CFAP53: variants seen among roughly 807,000 people sequenced by gnomAD.
The protein encoded by CFAP53 is cilia- and flagella-associated protein 53.
A neutral mutation model predicts 59.7 loss-of-function variants in CFAP53; 62 were observed. The observed-to-expected ratio is 1.04, with a 90% confidence interval of 0.85 to 1.28. The LOEUF (loss-of-function observed/expected upper bound fraction) is 1.28, where lower values mean the gene tolerates loss of function less well. Ranked by LOEUF, CFAP53 falls within the 50% of genes most tolerant of loss-of-function variation. The pLI is 0.00. For synonymous variants in CFAP53, 218 were observed against 205.7 expected, an observed-to-expected ratio of 1.06 and a Z score of -0.51; for missense variants, 629 against 615.6, an observed-to-expected ratio of 1.02 and a Z score of -0.23.
At chr18:50,247,127 T>A (rs1216126864) in intron 5 of CFAP53, among the ~76,000 whole-genome samples, 10 of 152,038 alleles carry the variant, frequency 6.6e-5, no homozygotes, top group Admixed American at 3.3e-4. Flanking sequence ...TTGAATAGAC[T>A]TCTCTAAGAA....
rs146269087 is a variant in CFAP53 at position 50,265,784 on chromosome 18, C to T, written c.69+552G>A. Reference sequence around the variant, plus strand: ...CCACTCCAGCCTTAGAGGCAGGCACCTGAGTTTTTCCCAGGTCTGAAGGGA... The same window carrying T: ...CCACTCCAGCCTTAGAGGCAGGCACTTGAGTTTTTCCCAGGTCTGAAGGGA... On this transcript the variant is annotated intron_variant, in intron 1 of 7. Coordinates refer to ENST00000398545, the MANE Select transcript of CFAP53 (RefSeq NM_145020.5). Among the ~76,000 whole-genome samples, 20 of 152,340 alleles carry T rather than the reference C, an allele frequency of 1.3e-4. No homozygotes were observed. In the East Asian group the frequency reaches 3.7e-3, roughly 28 times the overall value.
At chr18:50,239,689 A>G (rs1056213160) in intron 6 of CFAP53, among the ~76,000 whole-genome samples, 1 of 152,220 alleles carries the variant, frequency 6.6e-6, no homozygotes, top group African/African-American at 2.4e-5. Context: ...AGTCATTACA[A>G]ATCTTATAAT....
rs535788862 is a variant in CFAP53, at chr18:50,242,937, C to T, written c.1176G>A (p.Glu392=). 3.1e-6 allele frequency: 5 copies of T among 1,613,810 alleles called. No homozygotes were observed. Among genetic ancestry groups the T allele is most frequent in the Admixed American group, 1.7e-5 (1 of 60,006 alleles). Residue 392 remains glutamate, a synonymous_variant, in exon 6 of 8, where the codon GAG becomes GAA. Transcript: ENST00000398545. ...EKEARRQLVD[E]VMCTRKLQVQ... ...CTTGAAGTTTTCTTGTACACATGAC[C>T]TCATCCACAAGCTGTCTCCTTGCCT... is the stretch of plus-strand genomic sequence containing the variant.
intron 1 of CFAP53, among the ~76,000 whole-genome samples, chr18:50,264,862 T>G (rs1692423639): frequency 6.6e-6 from 1 of 152,196 alleles, no homozygotes; most frequent in Non-Finnish European, 1.5e-5. Flanking sequence ...GAACCCAAAG[T>G]AGATCTTCTG....
Position 50,238,665 on chromosome 18 carries a change from T to C in CFAP53, c.1254A>G (p.Glu418=), listed in dbSNP as rs754147424. The change falls in exon 7 of 8, where the codon GAA becomes GAG. Residue 418 remains glutamate, a synonymous_variant. Transcript: ENST00000398545. ...TAAGACTTTCATTTATGTGTTTCTG[T>C]TCCATAGCACGTTCTTCCTGTTCTT... The part of the protein sequence containing the change: ...EAKEQEERAM[E]QKHINESLKE... The C allele has an allele frequency of 6.2e-7, 1 of 1,612,318 alleles. No homozygotes were observed.
chr18:50,256,120 T>C (rs569004022), intron 3 of CFAP53: 1 of 152,348 alleles, frequency 6.6e-6, no homozygotes, highest in African/African-American at 2.4e-5. Context: ...AACTCAGTCA[T>C]ACAAGTGAAA....
chr18:50,253,560 G>T (rs1291418580), intron 3 of CFAP53, among the ~76,000 whole-genome samples: 1 of 152,176 alleles, frequency 6.6e-6, no homozygotes, highest in Admixed American at 6.5e-5. Context: ...CTTATTATCT[G>T]CCAGACACTA....
chr18:50,251,961 G>T (rs1333575105), intron 3 of CFAP53, among the ~76,000 whole-genome samples, 177 bp from the exon 4 acceptor site: 6 of 152,166 alleles, frequency 3.9e-5, no homozygotes, highest in African/African-American at 7.2e-5. Flanking sequence ...GGATGGCACA[G>T]CCTGACTATG....
At chr18:50,258,190 C>T (rs1379795872) in intron 3 of CFAP53, among the ~76,000 whole-genome samples, 1 of 152,140 alleles carries the variant, frequency 6.6e-6, no homozygotes, top group Admixed American at 6.5e-5. Context: ...ATCACATTAC[C>T]TAACTTCGAA....
intron 6 of CFAP53, among the ~76,000 whole-genome samples, chr18:50,239,787 G>T (rs2033671059): frequency 6.6e-6 from 1 of 152,102 alleles, no homozygotes; most frequent in Non-Finnish European, 1.5e-5. Context: ...ATTTGTGAAA[G>T]AAAATTATAT....
chr18:50,251,063 G>A, intron 4 of CFAP53, 87 bp from the exon 5 acceptor site: 2 of 1,113,770 alleles, frequency 1.8e-6, no homozygotes, highest in Non-Finnish European at 2.7e-6. Context: ...GGGAATAAAG[G>A]ATTTCTGGAA....
intron 3 of CFAP53, 137 bp downstream of exon 3, chr18:50,260,927 G>T: frequency 1.3e-6 from 1 of 758,268 alleles, no homozygotes. Flanking sequence ...TCAATGATAT[G>T]TAATATATTG....
At chr18:50,264,457 G>A (rs1279405522) in intron 1 of CFAP53, among the ~76,000 whole-genome samples, 2 of 152,152 alleles carry the variant, frequency 1.3e-5, no homozygotes, top group South Asian at 2.1e-4. Context: ...CCTGTCAAAT[G>A]AGCAAAATAA....
chr18:50,247,780 A>G (rs140866882), intron 5 of CFAP53, among the ~76,000 whole-genome samples: 2 of 152,348 alleles, frequency 1.3e-5, no homozygotes, highest in East Asian at 1.9e-4. Context: ...CACAAAGTTG[A>G]TAAGTGGCTG....
At position 50,243,081 on chromosome 18, in the gene CFAP53, T is replaced by C. The variant is rs754682438; in HGVS notation, c.1032A>G (p.Lys344=). Reference sequence around the variant, plus strand: ...CTTCCTCACGTCTCTGTGCCAAATATTTATGGTATATCTTCTGTTCTCTTA... The same window carrying C: ...CTTCCTCACGTCTCTGTGCCAAATACTTATGGTATATCTTCTGTTCTCTTA... ...DMIREQKIYH[K]YLAQRREEEK... The change falls in exon 6 of 8, where the codon AAA becomes AAG. Residue 344 remains lysine, a synonymous_variant. Transcript: ENST00000398545. 2 of 1,613,188 alleles carry C rather than the reference T, an allele frequency of 1.2e-6. No individual in the cohort carries two copies. The highest frequency in any genetic ancestry group is 2.2e-5 in the East Asian group (1 of 44,874).
chr18:50,251,058 T>A (rs1330596402), intron 4 of CFAP53, 82 bp from the exon 5 acceptor site: 1 of 1,168,296 alleles, frequency 8.6e-7, no homozygotes, highest in African/African-American at 1.5e-5. Context: ...GAGATGGGAA[T>A]AAAGGATTTC....
At chr18:50,240,496 C>T (rs1369222964) in intron 6 of CFAP53, among the ~76,000 whole-genome samples, 1 of 152,170 alleles carries the variant, frequency 6.6e-6, no homozygotes, top group African/African-American at 2.4e-5. Context: ...GCAGCAGGGG[C>T]CACGTGAGTC....
At chr18:50,237,595 G>A (rs1357425227) in intron 7 of CFAP53, among the ~76,000 whole-genome samples, 1 of 151,714 alleles carries the variant, frequency 6.6e-6, no homozygotes, top group Non-Finnish European at 1.5e-5. Flanking sequence ...ACAGGCCCCA[G>A]GAACAGGGAG....
At position 50,262,051 on chromosome 18, in the gene CFAP53, G is replaced by A. The variant is rs374898373; in HGVS notation, c.238C>T (p.Arg80Ter). Residue 80 changes from arginine to a stop codon, truncating the protein, a stop_gained, in exon 2 of 8, where the codon CGA becomes TGA. Transcript: ENST00000398545. LOFTEE classifies it high-confidence loss of function. Reference sequence around the variant, plus strand: ...TGCACAGCATCCTTGATTCTTGCTCGCACAAGGCTGTCCAAAATCTTGCAG... The same window carrying A: ...TGCACAGCATCCTTGATTCTTGCTCACACAAGGCTGTCCAAAATCTTGCAG... ...NDCKILDSLVRARIKDAVQGF... is the reference protein window; with the variant it reads ...NDCKILDSLV The A allele has an allele frequency of 2.0e-5, 33 of 1,613,936 alleles. No homozygotes were observed. The highest frequency in any genetic ancestry group is 4.0e-5 in the African/African-American group (3 of 74,864).
Sources: allele counts gnomAD v4.1 joint callset (sites outside exome capture counted in the v4.1 genomes callset), GRCh38; gene constraint gnomAD v4.1.1; transcripts MANE v1.5; gene names NCBI Gene and HGNC (gene_info 2026-07-23, HGNC 2026-07-21).